The following LDLRAD3 variants were observed in gnomAD, a reference collection of about 807,000 sequenced individuals.
LDLRAD3 encodes low-density lipoprotein receptor class A domain-containing protein 3.
Under a neutral mutation model 29.4 loss-of-function variants are expected in LDLRAD3, and 20 were observed. That is an observed-to-expected ratio of 0.68 (90% CI 0.48 to 0.99). The LOEUF (loss-of-function observed/expected upper bound fraction) is 0.99. LDLRAD3 is among the 50% of genes least tolerant of loss of function. The probability of loss-of-function intolerance (pLI) is 0.00; values close to 1 mark genes in which losing one functional copy is unlikely to be tolerated. For synonymous variants in LDLRAD3, 157 were observed against 192.7 expected, an observed-to-expected ratio of 0.81 and a Z score of 1.53; for missense variants, 420 against 454.3, an observed-to-expected ratio of 0.92 and a Z score of 0.69.
Position 36,227,551 on chromosome 11 carries a change from T to C in LDLRAD3, c.800+121T>C, listed in dbSNP as rs1001076480. On this transcript the variant is annotated intron_variant, in intron 5 of 5. Transcript: ENST00000315571. ...GCCTGGCTTCAGCTGCTATAGGCAGTGGCAGCATCTGACATTTGCCGAGTC... is the reference window on the plus strand; with the variant it reads ...GCCTGGCTTCAGCTGCTATAGGCAGCGGCAGCATCTGACATTTGCCGAGTC... 3.3e-5 allele frequency: 23 copies of C among 689,040 alleles called. No homozygotes were observed. In the Admixed American group the frequency reaches 5.0e-4, roughly 15 times the overall value. 42.7% of individuals were successfully genotyped at this position (689,040 alleles called of 1,614,324 possible).
chr11:36,101,302 AAATCCT>A (rs1853443455), intron 4 of LDLRAD3, among the ~76,000 whole-genome samples: 1 of 152,142 alleles, frequency 6.6e-6, no homozygotes, highest in African/African-American at 2.4e-5. Flanking sequence ...TTTGCCTCTC[AAATCCT>A]GCCGAACCTA....
chr11:36,064,640 G>A (rs1193396143), intron 2 of LDLRAD3, among the ~76,000 whole-genome samples: 8 of 151,952 alleles, frequency 5.3e-5, no homozygotes, highest in Admixed American at 4.6e-4. Context: ...GTTTTTTTGT[G>A]TATGAGTTTG....
chr11:36,162,040 T>C (rs1379596413), intron 4 of LDLRAD3, among the ~76,000 whole-genome samples: 1 of 151,760 alleles, frequency 6.6e-6, no homozygotes, highest in Admixed American at 6.6e-5. Flanking sequence ...AAACTATAAA[T>C]CATTCCGTTA....
intron 5 of LDLRAD3, among the ~76,000 whole-genome samples, chr11:36,228,411 G>T (rs1409718454): frequency 6.6e-6 from 1 of 152,204 alleles, no homozygotes; most frequent in Non-Finnish European, 1.5e-5. Context: ...TAAAATTGCT[G>T]AATCTGGAAA....
At chr11:35,974,555 C>A (rs1369840005) in intron 1 of LDLRAD3, among the ~76,000 whole-genome samples, 2 of 152,184 alleles carry the variant, frequency 1.3e-5, no homozygotes, top group African/African-American at 4.8e-5. Context: ...TGAGACTCGA[C>A]TGGGGAAGGA....
At chr11:36,034,830 C>T (rs1375436587) in intron 1 of LDLRAD3, among the ~76,000 whole-genome samples, 1 of 152,176 alleles carries the variant, frequency 6.6e-6, no homozygotes, top group African/African-American at 2.4e-5. Context: ...CTGGGAGACC[C>T]AGCAGGCCGA....
intron 2 of LDLRAD3, among the ~76,000 whole-genome samples, chr11:36,064,933 C>A (rs894395221): frequency 1.3e-5 from 2 of 152,068 alleles, no homozygotes; most frequent in Non-Finnish European, 1.5e-5. Flanking sequence ...TGTTTTATGT[C>A]CTAACATTTG....
At chr11:36,050,035 A>T (rs947873922) in intron 2 of LDLRAD3, among the ~76,000 whole-genome samples, 6 of 152,188 alleles carry the variant, frequency 3.9e-5, no homozygotes, top group African/African-American at 1.2e-4. Context: ...AGAGGTGAGG[A>T]GAATAGACCC....
rs967484321 is a variant in LDLRAD3 at position 35,970,470 on chromosome 11, T to A, written c.46+26326T>A. ...AAGGAAGGATTCTGCCCTGGAGTTTTCAGAGGAAGCATGGCCCTGCCGACA... is the reference window on the plus strand; with the variant it reads ...AAGGAAGGATTCTGCCCTGGAGTTTACAGAGGAAGCATGGCCCTGCCGACA... On this transcript the variant is annotated intron_variant, in intron 1 of 5. Coordinates refer to ENST00000315571, the MANE Select transcript of LDLRAD3 (RefSeq NM_174902.4). Among the ~76,000 whole-genome samples, 7 of 152,208 alleles carry A rather than the reference T, an allele frequency of 4.6e-5. 1 individual carries two copies. The highest frequency in any genetic ancestry group is 2.1e-4 in the South Asian group (1 of 4,826).
intron 4 of LDLRAD3, among the ~76,000 whole-genome samples, chr11:36,129,971 C>T (rs1257516330): frequency 1.3e-5 from 2 of 152,176 alleles, no homozygotes; most frequent in African/African-American, 2.4e-5. Context: ...AGGGAACTTC[C>T]GTGTTTTGTT....
At chr11:35,976,130 GTGA>G (rs1350372958) in intron 1 of LDLRAD3, among the ~76,000 whole-genome samples, 1 of 152,114 alleles carries the variant, frequency 6.6e-6, no homozygotes, top group Non-Finnish European at 1.5e-5. Flanking sequence ...AAGCAGAAAT[GTGA>G]TGATCTCAGA....
chr11:36,095,778 A>G (rs1008839167), intron 3 of LDLRAD3, among the ~76,000 whole-genome samples: 3 of 152,140 alleles, frequency 2.0e-5, no homozygotes, highest in Admixed American at 6.5e-5. Flanking sequence ...AAGCTTATGA[A>G]CGCCCCGTCT....
intron 4 of LDLRAD3, among the ~76,000 whole-genome samples, chr11:36,100,916 A>T (rs1316896388): frequency 6.6e-6 from 1 of 152,178 alleles, no homozygotes. Flanking sequence ...CTTGCCCTTA[A>T]GAAGAATGGT....
At chr11:36,225,421 A>AAGCTCCTTACCTGGGTGCTTGAAGTAT in intron 4 of LDLRAD3, among the ~76,000 whole-genome samples, 1 of 152,216 alleles carries the variant, frequency 6.6e-6, no homozygotes, top group East Asian at 1.9e-4. Context: ...GCTGACTGGG[A>AAGCTCCTTACCTGGGTGCTTGAAGTAT]AGCTCCTTAC....
chr11:36,125,991 G>A (rs1202186474), intron 4 of LDLRAD3, among the ~76,000 whole-genome samples: 4 of 152,156 alleles, frequency 2.6e-5, no homozygotes, highest in African/African-American at 4.8e-5. Context: ...AAATGAGGCC[G>A]ATTTGGAGAC....
intron 4 of LDLRAD3, among the ~76,000 whole-genome samples, chr11:36,108,496 G>A (rs1015577921): frequency 1.3e-5 from 2 of 152,124 alleles, no homozygotes; most frequent in Non-Finnish European, 2.9e-5. Flanking sequence ...TTGGTCAGTA[G>A]CGTGAGGAAT....
intron 1 of LDLRAD3, among the ~76,000 whole-genome samples, chr11:36,019,236 G>A (rs1004376280): frequency 1.3e-5 from 2 of 152,190 alleles, no homozygotes; most frequent in African/African-American, 2.4e-5. Context: ...ATTATCGCGG[G>A]TGTTCAGTGC....
intron 4 of LDLRAD3, among the ~76,000 whole-genome samples, chr11:36,140,399 G>C (rs1180321130): frequency 6.6e-6 from 1 of 152,070 alleles, no homozygotes; most frequent in Non-Finnish European, 1.5e-5. Flanking sequence ...TGTCTGTAGG[G>C]GATTTGACAA....
chr11:36,066,876 A>G (rs1402366858), intron 2 of LDLRAD3, among the ~76,000 whole-genome samples: 1 of 152,218 alleles, frequency 6.6e-6, no homozygotes, highest in East Asian at 1.9e-4. Context: ...AGAAAAAACA[A>G]ATCTGACTCA....
Sources: gnomAD v4.1 joint callset for allele counts (sites outside exome capture counted in the v4.1 genomes callset) on GRCh38, gnomAD v4.1.1 for gene constraint, MANE v1.5 for transcripts, NCBI Gene and HGNC (gene_info 2026-07-23, HGNC 2026-07-21) for gene names.